The following PRKCZ variants were observed in gnomAD, a reference collection of about 807,000 sequenced individuals.
PRKCZ encodes protein kinase C zeta type.
PRKCZ carries 33 observed loss-of-function variants against 79.5 expected under a neutral mutation model. The ratio of observed to expected loss-of-function variants is 0.41; its 90% CI spans 0.31 to 0.55. PRKCZ has a LOEUF of 0.55. PRKCZ is among the 20% of genes least tolerant of loss of function. The pLI, the probability that PRKCZ is intolerant of heterozygous loss-of-function variation, is 0.19. For synonymous variants in PRKCZ, 342 were observed against 320.9 expected, an observed-to-expected ratio of 1.07 and a Z score of -0.70; for missense variants, 578 against 813.5, an observed-to-expected ratio of 0.71 and a Z score of 3.52.
chr1:2,082,496 G>A lies in PRKCZ; in HGVS notation c.334+22905G>A, dbSNP rs576134846. ...GATCACGTCCGCGTTCCTAGCGACCGGTTTTGTGATGTGGGCAGTGCCGTG... is the reference window on the plus strand; with the variant it reads ...GATCACGTCCGCGTTCCTAGCGACCAGTTTTGTGATGTGGGCAGTGCCGTG... On this transcript the variant is annotated intron_variant, in intron 4 of 17. Coordinates refer to ENST00000378567, the MANE Select transcript of PRKCZ (RefSeq NM_002744.6). This position sits in a 1 kb window ranked among gnomAD's most constrained non-coding sequence, Gnocchi z 4.4. The A allele has an allele frequency of 4.5e-6, 2 of 444,084 alleles. No individual in the cohort carries two copies. The highest frequency in any genetic ancestry group is 9.1e-6 in the Non-Finnish European group (2 of 220,478). The allele number at this position is 444,084 out of a possible 1,614,324, so 27.5% of individuals were successfully genotyped here. A position where few individuals can be genotyped will look rare whatever the true frequency, so the allele number is the denominator to read the frequency against.
intron 4 of PRKCZ, among the ~76,000 whole-genome samples, chr1:2,069,719 C>G (rs1382068443): frequency 6.6e-6 from 1 of 152,168 alleles, no homozygotes; most frequent in Non-Finnish European, 1.5e-5. Context: ...TCCGTGTTGG[C>G]TCCAGGGGCT....
upstream of PRKCZ, chr1:2,049,536 C>T (rs1183897849): frequency 6.6e-6 from 1 of 152,218 alleles, no homozygotes; most frequent in Non-Finnish European, 1.5e-5. Context: ...GAGGGCGTGG[C>T]CTGAGCAGGT....
At chr1:2,163,609 G>T (rs1682743114) in intron 10 of PRKCZ, among the ~76,000 whole-genome samples, 1 of 152,274 alleles carries the variant, frequency 6.6e-6, no homozygotes, top group African/African-American at 2.4e-5. Flanking sequence ...AAAACACTGA[G>T]GCCGGGTGCG....
At chr1:2,105,580 A>G (rs1414435771) in intron 4 of PRKCZ, among the ~76,000 whole-genome samples, 1 of 152,066 alleles carries the variant, frequency 6.6e-6, no homozygotes, top group African/African-American at 2.4e-5. Flanking sequence ...TTGTATTTTT[A>G]GTAGAGACGG....
chr1:2,074,343 GAA>G (rs1661996320), intron 4 of PRKCZ: 1 of 1,542,536 alleles, frequency 6.5e-7, no homozygotes, highest in African/African-American at 1.4e-5. Context: ...GGGGCTTGGG[GAA>G]ATCGTCTTGG....
intron 4 of PRKCZ, among the ~76,000 whole-genome samples, chr1:2,120,350 A>ATCT (rs1433152031): frequency 8.9e-6 from 1 of 112,104 alleles, no homozygotes; most frequent in Non-Finnish European, 1.6e-5. Flanking sequence ...CCCAGGCTGG[A>ATCT]GTGCAATGGC....
rs566184972 is a variant in PRKCZ, at chr1:2,178,957, C to T, written c.1575+3644C>T. On this transcript the variant is annotated intron_variant, in intron 16 of 17. Coordinates refer to ENST00000378567, the MANE Select transcript of PRKCZ (RefSeq NM_002744.6). The surrounding 1 kb of genome is among the most constrained non-coding windows in gnomAD (Gnocchi z 4.3). Reference sequence around the variant, plus strand: ...CCGCCCCCTCCTTGCCTATCCCCAGCTGAACCAGCACCACTCAGGCAGTCG... The same window carrying T: ...CCGCCCCCTCCTTGCCTATCCCCAGTTGAACCAGCACCACTCAGGCAGTCG... Among the ~76,000 whole-genome samples, 2 of 152,228 alleles carry T rather than the reference C, an allele frequency of 1.3e-5. No homozygotes were observed. The highest frequency in any genetic ancestry group is 2.9e-5 in the Non-Finnish European group (2 of 68,040).
At chr1:2,132,632 T>C (rs1675224953) in intron 4 of PRKCZ, among the ~76,000 whole-genome samples, 1 of 152,212 alleles carries the variant, frequency 6.6e-6, no homozygotes, top group South Asian at 2.1e-4. Flanking sequence ...GGGCTTCTGT[T>C]CCTATTTTGA....
intron 4 of PRKCZ, among the ~76,000 whole-genome samples, chr1:2,107,445 C>G (rs1008322513): frequency 1.3e-5 from 2 of 152,360 alleles, no homozygotes; most frequent in Admixed American, 1.3e-4. Context: ...CTGACTGATG[C>G]ATGTGGGGGC....
chr1:2,106,449 G>T (rs1027444353), intron 4 of PRKCZ, among the ~76,000 whole-genome samples: 1 of 132,618 alleles, frequency 7.5e-6, no homozygotes, highest in South Asian at 2.5e-4. Context: ...CAGGCCAGGC[G>T]ACTCTCAGCA....
chr1:2,182,373 C>T (rs890923187), intron 16 of PRKCZ: 3 of 157,716 alleles, frequency 1.9e-5, no homozygotes, highest in African/African-American at 7.2e-5. Flanking sequence ...CCAATTCCAG[C>T]TTGAACGACT....
At chr1:2,143,185 C>T (rs1231232516) in intron 5 of PRKCZ, 1 of 152,212 alleles carries the variant, frequency 6.6e-6, no homozygotes, top group Non-Finnish European at 1.5e-5. Context: ...CCCGCCACCA[C>T]ACCTGGCTAA....
chr1:2,071,562 A>G (rs973524979), intron 4 of PRKCZ: 2 of 183,420 alleles, frequency 1.1e-5, no homozygotes, highest in East Asian at 1.8e-4. Flanking sequence ...TATTTGCAAC[A>G]AACTGGAAAA....
Position 2,094,854 on chromosome 1 carries a change from G to T in PRKCZ, c.334+35263G>T, listed in dbSNP as rs536006879. ...TGGCCTTGGATTCATTTCTGGAGCT[G>T]CAGAGTCACTTCTCTTAGAGCCTGG... is the stretch of plus-strand genomic sequence containing the variant. On this transcript the variant is annotated intron_variant, in intron 4 of 17. Coordinates refer to ENST00000378567, the MANE Select transcript of PRKCZ (RefSeq NM_002744.6). This position sits in a 1 kb window ranked among gnomAD's most constrained non-coding sequence, Gnocchi z 7.3. 6.6e-6 allele frequency among the ~76,000 whole-genome samples: 1 copy of T among 152,200 alleles called. No individual in the cohort carries two copies. The highest frequency in any genetic ancestry group is 2.1e-4 in the South Asian group (1 of 4,838).
chr1:2,170,342 G>A (rs554505308), intron 11 of PRKCZ, among the ~76,000 whole-genome samples: 59 of 152,306 alleles, frequency 3.9e-4, no homozygotes, highest in Non-Finnish European at 6.8e-4. Flanking sequence ...GACCTTTCCT[G>A]TCTTTTGTAG....
In PRKCZ at chr1:2,173,854, C is replaced by A. The variant is rs1684939794; in HGVS notation, c.1286-43C>A. On this transcript the variant is annotated intron_variant, in intron 13 of 17. Transcript: ENST00000378567. The surrounding 1 kb of genome is among the most constrained non-coding windows in gnomAD (Gnocchi z 5.7). The stretch of plus-strand genomic sequence containing the variant: ...CCAGCCAGGTTCGTCCTGCTGCCGG[C>A]CCATGTGGCCCCACTCGGTGATGGC... The A allele has an allele frequency of 5.9e-6, 9 of 1,536,136 alleles. No homozygotes were observed. Among genetic ancestry groups the A allele is most frequent in the Non-Finnish European group, 7.9e-6 (9 of 1,137,302 alleles).
At chr1:2,169,054 G>A (rs1473948090) in intron 10 of PRKCZ, 13 of 429,846 alleles carry the variant, frequency 3.0e-5, no homozygotes, top group East Asian at 2.2e-4. Context: ...TTGGAGGGCC[G>A]GTGGACTCCT....
Position 2,155,988 on chromosome 1 carries a change from A to G in PRKCZ, c.877-7A>G, listed in dbSNP as rs1680966593. ...GCCTCATTACCACTCCCTGGTTTCT[A>G]TTTCAGGATATTGACTGGGTACAGA... On this transcript the variant is annotated splice_polypyrimidine_tract_variant and splice_region_variant and intron_variant, in intron 9 of 17. Transcript: ENST00000378567. The G allele has an allele frequency of 6.2e-7, 1 of 1,612,808 alleles. No individual in the cohort carries two copies. The highest frequency in any genetic ancestry group is 8.5e-7 in the Non-Finnish European group (1 of 1,178,960).
chr1:2,150,855 C>T lies in PRKCZ; in HGVS notation c.753C>T (p.Asp251=). The T allele has an allele frequency of 6.2e-7, 1 of 1,614,212 alleles. No homozygotes were observed. The highest frequency in any genetic ancestry group is 8.5e-7 in the Non-Finnish European group (1 of 1,180,034). ...TCTCTCAGGGGCTTGGGCTGCAGGACTTTGACCTAATCAGAGTCATCGGGC... is the reference window on the plus strand; with the variant it reads ...TCTCTCAGGGGCTTGGGCTGCAGGATTTTGACCTAATCAGAGTCATCGGGC... ...IKISQGLGLQ[D]FDLIRVIGRG... Residue 251 remains aspartate (D), a synonymous_variant, in exon 9 of 18, where the codon GAC becomes GAT. Transcript: ENST00000378567.
Sources: allele counts gnomAD v4.1 joint callset (sites outside exome capture counted in the v4.1 genomes callset), GRCh38; gene constraint gnomAD v4.1.1; non-coding constraint Gnocchi (gnomAD v3.1); transcripts MANE v1.5; gene names NCBI Gene and HGNC (gene_info 2026-07-23, HGNC 2026-07-21).